The following PCDHGA4 variants were observed in gnomAD, a reference collection of about 807,000 sequenced individuals.
PCDHGA4 encodes protocadherin gamma-A4.
A neutral mutation model predicts 54.6 loss-of-function variants in PCDHGA4; 38 were observed. The ratio of observed to expected loss-of-function variants is 0.70; its 90% confidence interval spans 0.54 to 0.91. The LOEUF is 0.91. PCDHGA4 is among the 40% of genes least tolerant of loss of function. PCDHGA4 has a pLI of 0.00. For synonymous variants in PCDHGA4, 511 were observed against 512.9 expected, an observed-to-expected ratio of 1.00 and a Z score of 0.05; for missense variants, 1,298 against 1,220.9, an observed-to-expected ratio of 1.06 and a Z score of -0.94.
At chr5:141,406,043 A>G (rs1346440934) in intron 1 of PCDHGA4, among the ~76,000 whole-genome samples, 3 of 150,174 alleles carry the variant, frequency 2.0e-5, no homozygotes, top group East Asian at 3.9e-4. Context: ...CATTGGTTGC[A>G]GTGGACTCAT....
chr5:141,464,898 C>T (rs969877255), intron 1 of PCDHGA4, among the ~76,000 whole-genome samples: 4 of 151,958 alleles, frequency 2.6e-5, no homozygotes, highest in African/African-American at 4.8e-5. Flanking sequence ...GCCACCATGT[C>T]CAGCTAATTT....
rs202183643 is a variant in PCDHGA4 at position 141,490,646 on chromosome 5, C to T, written c.2515-4161C>T. 9 of 1,614,186 alleles carry T rather than the reference C, an allele frequency of 5.6e-6. No homozygotes were observed. Among genetic ancestry groups the T allele is most frequent in the African/African-American group, 2.7e-5 (2 of 75,054 alleles). ...GCTTACATCCTAGAAAACCGGCCTC[C>T]GGGCTCCCTTCTTTGCACTGTGGCT... On this transcript the variant is annotated intron_variant, in intron 1 of 3. Transcript: ENST00000571252. The surrounding 1 kb of genome is among the most constrained non-coding windows in gnomAD (Gnocchi z 5.4).
intron 1 of PCDHGA4, chr5:141,428,149 G>A (rs1048150182): frequency 8.8e-6 from 14 of 1,586,676 alleles, no homozygotes; most frequent in African/African-American, 1.3e-5. Flanking sequence ...CTGCACACGG[G>A]AACCTGCTGG....
chr5:141,462,999 C>T (rs1360054048), intron 1 of PCDHGA4, among the ~76,000 whole-genome samples: 1 of 152,068 alleles, frequency 6.6e-6, no homozygotes, highest in Non-Finnish European at 1.5e-5. Flanking sequence ...TAATTTAGAC[C>T]TACCACTTAA....
rs1224625072 is a variant in PCDHGA4 at position 141,490,972 on chromosome 5, C to A, written c.2515-3835C>A. On this transcript the variant is annotated intron_variant, in intron 1 of 3. Transcript: ENST00000571252. The surrounding 1 kb of genome is among the most constrained non-coding windows in gnomAD (Gnocchi z 5.4). ...AGACTGGGAACACTCAGCCCCCCAG[C>A]GTCTCCCTCGCTCTGCTCCTCCTGG... is the stretch of plus-strand genomic sequence containing the variant. 2 of 1,613,912 alleles carry A rather than the reference C, an allele frequency of 1.2e-6. No individual in the cohort carries two copies. Among genetic ancestry groups the A allele is most frequent in the Non-Finnish European group, 1.7e-6 (2 of 1,179,922 alleles).
chr5:141,383,977 A>G (rs1187887484), intron 1 of PCDHGA4: 1 of 1,613,786 alleles, frequency 6.2e-7, no homozygotes, highest in Non-Finnish European at 8.5e-7. Flanking sequence ...CCCTGAAGAC[A>G]CACCTCTTGG....
intron 1 of PCDHGA4, chr5:141,389,622 G>A: frequency 6.2e-7 from 1 of 1,612,970 alleles, no homozygotes; most frequent in Non-Finnish European, 8.5e-7. Flanking sequence ...GCCGCACGCT[G>A]CAGAGCCTGG....
Position 141,444,149 on chromosome 5 carries a change from T to C in PCDHGA4, c.2515-50658T>C, listed in dbSNP as rs180678850. On this transcript the variant is annotated intron_variant, in intron 1 of 3. Transcript: ENST00000571252. ...ACAGATATGTGTCACTTGTGTGTAC[T>C]GGATTTTTTTTTTTTTTTTTTTTTT... Among the ~76,000 whole-genome samples, 383 of 136,820 alleles carry C rather than the reference T, an allele frequency of 2.8e-3. 2 individuals carry two copies. Among genetic ancestry groups the C allele is most frequent in the Middle Eastern group, 0.012 (3 of 252 alleles). 89.8% of individuals were successfully genotyped at this position (136,820 alleles called of 152,430 possible). A position where few individuals can be genotyped will look rare whatever the true frequency, so the allele number is the denominator to read the frequency against.
chr5:141,415,411 G>A (rs754595054), intron 1 of PCDHGA4: 45 of 1,614,112 alleles, frequency 2.8e-5, no homozygotes, highest in Non-Finnish European at 3.6e-5. Context: ...GCACTTTGTG[G>A]GCGTGGACGG....
At chr5:141,495,492 G>C (rs1321150765) in intron 2 of PCDHGA4, among the ~76,000 whole-genome samples, 1 of 152,148 alleles carries the variant, frequency 6.6e-6, no homozygotes, top group Non-Finnish European at 1.5e-5. Flanking sequence ...CCTTTTTCTT[G>C]AGTTTCCGTC....
intron 1 of PCDHGA4, chr5:141,372,351 C>A: frequency 6.2e-7 from 1 of 1,613,872 alleles, no homozygotes; most frequent in Non-Finnish European, 8.5e-7. Context: ...AGGACAGCAG[C>A]CTCTTTCAGC....
intron 1 of PCDHGA4, chr5:141,408,721 C>T (rs994778084): frequency 6.2e-7 from 1 of 1,611,372 alleles, no homozygotes; most frequent in Non-Finnish European, 8.5e-7. Flanking sequence ...ATAAGATAAA[C>T]TCTAATCCTT....
chr5:141,492,026 G>A, intron 1 of PCDHGA4: 1 of 567,198 alleles, frequency 1.8e-6, no homozygotes, highest in South Asian at 2.9e-5. Flanking sequence ...GGGGTCCCGG[G>A]AGGAGGCAGT....
chr5:141,511,598 A>C lies in PCDHGA4; in HGVS notation c.*425A>C. ...GGTTGGGGTGTTGAAGTACCAAGTA[A>C]CCTACAAGCCTCCTAGTTCTGAAAA... On this transcript the variant is annotated 3_prime_UTR_variant, in exon 4 of 4. Transcript: ENST00000571252. 3.9e-6 allele frequency: 1 copy of C among 255,742 alleles called. No individual in the cohort carries two copies. The highest frequency in any genetic ancestry group is 7.8e-6 in the Non-Finnish European group (1 of 127,952). The allele number at this position is 255,742 out of a possible 1,614,324, so 15.8% of individuals were successfully genotyped here.
intron 1 of PCDHGA4, chr5:141,430,452 A>G (rs566189732): frequency 2.0e-3 from 408 of 202,442 alleles, no homozygotes; most frequent in South Asian, 3.8e-3. Context: ...CCTTTTGAAG[A>G]ACAGTAGGTG....
In PCDHGA4 at chr5:141,357,014, C is replaced by T; in HGVS notation, c.1907C>T (p.Ser636Phe). The T allele has an allele frequency of 1.2e-6, 2 of 1,614,130 alleles. No individual in the cohort carries two copies. The highest frequency in any genetic ancestry group is 1.7e-6 in the Non-Finnish European group (2 of 1,179,982). Residue 636 changes from serine to phenylalanine, a missense_variant, in exon 1 of 4, where the codon TCC becomes TTC. Ser to Phe is a radical substitution (Grantham distance 155). Transcript: ENST00000571252. ...GACTCAGGTCAGAATGCCTGGCTGT[C>T]CTACAGCCTACTCAAGTCCAGCGAG... ...DRDSGQNAWL[S>F]YSLLKSSEPG...
At chr5:141,449,212 GT>G (rs1405401595) in intron 1 of PCDHGA4, among the ~76,000 whole-genome samples, 1 of 152,134 alleles carries the variant, frequency 6.6e-6, no homozygotes, top group African/African-American at 2.4e-5. Context: ...CTAACTTTCT[GT>G]TTTGAAATGA....
intron 1 of PCDHGA4, chr5:141,427,448 TC>T (rs1355717683): frequency 6.2e-6 from 3 of 484,982 alleles, no homozygotes; most frequent in Non-Finnish European, 1.2e-5. Flanking sequence ...ACGAAAGAGT[TC>T]CTTTTAGAAT....
chr5:141,495,005 C>CG (rs2099758180), intron 2 of PCDHGA4, 140 bp downstream of exon 2: 6 of 1,522,802 alleles, frequency 3.9e-6, no homozygotes, highest in Admixed American at 2.0e-5. Context: ...TCTTGGTGTG[C>CG]GGGGGGCTGG....
Sources: gnomAD v4.1 joint callset for allele counts (sites outside exome capture counted in the v4.1 genomes callset) on GRCh38, gnomAD v4.1.1 for gene constraint, Gnocchi (gnomAD v3.1) non-coding constraint, MANE v1.5 for transcripts, NCBI Gene and HGNC (gene_info 2026-07-23, HGNC 2026-07-21) for gene names.